SLCO3A1: variants seen among roughly 807,000 people sequenced by gnomAD.
SLCO3A1 encodes PGE1 transporter.
In SLCO3A1, 27 loss-of-function variants were observed where a neutral mutation model predicts 63.1. The observed-to-expected ratio is 0.43, with a 90% CI of 0.32 to 0.59. The LOEUF (loss-of-function observed/expected upper bound fraction) is 0.59, where lower values mean the gene tolerates loss of function less well. SLCO3A1 is among the 20% of genes least tolerant of loss of function. SLCO3A1 has a pLI of 0.09. For missense variants in SLCO3A1, 773 were observed against 945.8 expected, an observed-to-expected ratio of 0.82 and a Z score of 2.40; for synonymous variants, 473 against 409.9, an observed-to-expected ratio of 1.15 and a Z score of -1.86.
intron 2 of SLCO3A1, among the ~76,000 whole-genome samples, chr15:91,925,037 A>G (rs1898966261): frequency 1.3e-5 from 2 of 152,266 alleles, no homozygotes; most frequent in Non-Finnish European, 2.9e-5. Flanking sequence ...GAAGGATGTC[A>G]AAGAATACTG....
At chr15:92,074,907 C>T (rs2047259702) in intron 2 of SLCO3A1, among the ~76,000 whole-genome samples, 1 of 152,176 alleles carries the variant, frequency 6.6e-6, no homozygotes, top group Admixed American at 6.5e-5. Flanking sequence ...ATAGAGCCAA[C>T]AGTGAGGTGG....
At chr15:91,975,228 G>C (rs1850347458) in intron 2 of SLCO3A1, among the ~76,000 whole-genome samples, 1 of 152,096 alleles carries the variant, frequency 6.6e-6, no homozygotes, top group Non-Finnish European at 1.5e-5. Context: ...TGGTACCTAG[G>C]TGTGCTGCAA....
rs1900693368 is a variant in SLCO3A1, at chr15:91,967,256, A to G, written c.646+50798A>G. Among the ~76,000 whole-genome samples the G allele has an allele frequency of 6.6e-6, 1 of 152,256 alleles. No homozygotes were observed. The highest frequency in any genetic ancestry group is 2.1e-4 in the South Asian group (1 of 4,830). ...TTTATTCATTTAAAATATTAAAATGACAATAAGAGAGGTTTTTAGTTATCA... is the reference window on the plus strand; with the variant it reads ...TTTATTCATTTAAAATATTAAAATGGCAATAAGAGAGGTTTTTAGTTATCA... On this transcript the variant is annotated intron_variant, in intron 2 of 9. Coordinates refer to ENST00000318445, the MANE Select transcript of SLCO3A1 (RefSeq NM_013272.4). This position sits in a 1 kb window ranked among gnomAD's most constrained non-coding sequence, Gnocchi z 4.4.
intron 2 of SLCO3A1, among the ~76,000 whole-genome samples, chr15:91,937,296 C>T (rs1899447862): frequency 6.6e-6 from 1 of 152,222 alleles, no homozygotes; most frequent in African/African-American, 2.4e-5. Context: ...ACGGGCAAAG[C>T]ACTCTCTAGG....
At chr15:92,075,182 C>T (rs1418006984) in intron 2 of SLCO3A1, among the ~76,000 whole-genome samples, 1 of 152,184 alleles carries the variant, frequency 6.6e-6, no homozygotes, top group Admixed American at 6.5e-5. Context: ...CCGACTCTGG[C>T]TTCTGGAGGG....
intron 2 of SLCO3A1, among the ~76,000 whole-genome samples, chr15:92,082,805 G>A (rs974385285): frequency 6.6e-6 from 1 of 152,162 alleles, no homozygotes; most frequent in Non-Finnish European, 1.5e-5. Context: ...TGATTCTCAC[G>A]CCTTCACCAC....
Position 91,954,120 on chromosome 15 carries a change from G to C in SLCO3A1, c.646+37662G>C, listed in dbSNP as rs967507007. ...TAGAAACCCCCACTCATGAGGGAAA[G>C]ATTGAGAAAGGCACATACAGTCTGT... On this transcript the variant is annotated intron_variant, in intron 2 of 9. Transcript: ENST00000318445. This position sits in a 1 kb window ranked among gnomAD's most constrained non-coding sequence, Gnocchi z 4.7. Among the ~76,000 whole-genome samples, 3 of 152,222 alleles carry C rather than the reference G, an allele frequency of 2.0e-5. No individual in the cohort carries two copies. Among genetic ancestry groups the C allele is most frequent in the African/African-American group, 7.2e-5 (3 of 41,456 alleles).
rs1024926784 is a variant in SLCO3A1 at position 91,954,908 on chromosome 15, G to A, written c.646+38450G>A. On this transcript the variant is annotated intron_variant, in intron 2 of 9. Transcript: ENST00000318445. The surrounding 1 kb of genome is among the most constrained non-coding windows in gnomAD (Gnocchi z 4.7). Reference sequence around the variant, plus strand: ...CAGCACCACCCCTCCTAATTCCTAGGAATTAGGCCCTTCTTGGCTCTGTGC... The same window carrying A: ...CAGCACCACCCCTCCTAATTCCTAGAAATTAGGCCCTTCTTGGCTCTGTGC... Among the ~76,000 whole-genome samples the A allele has an allele frequency of 6.6e-6, 1 of 152,072 alleles. No individual in the cohort carries two copies. Among genetic ancestry groups the A allele is most frequent in the Non-Finnish European group, 1.5e-5 (1 of 68,010 alleles).
chr15:92,049,726 T>A (rs1462137749), intron 2 of SLCO3A1, among the ~76,000 whole-genome samples: 1 of 152,232 alleles, frequency 6.6e-6, no homozygotes, highest in Non-Finnish European at 1.5e-5. Context: ...ACAACCTAGA[T>A]ATTAACAGCA....
At position 92,053,699 on chromosome 15, in the gene SLCO3A1, T is replaced by TG. The variant is rs60246177; in HGVS notation, c.647-41182_647-41181insG. 3.1e-3 allele frequency among the ~76,000 whole-genome samples: 465 copies of TG among 150,262 alleles called. 8 individuals are homozygous for TG. Among genetic ancestry groups the TG allele is most frequent in the African/African-American group, 0.011 (444 of 40,270 alleles). ...TTGTTTTTTTGTTTGTTTGTTTGTT[T>TG]TTTTTTTTTTTACTTCTCATGGTTA... is the stretch of plus-strand genomic sequence containing the variant. On this transcript the variant is annotated intron_variant, in intron 2 of 9. Coordinates refer to ENST00000318445, the MANE Select transcript of SLCO3A1 (RefSeq NM_013272.4).
intron 1 of SLCO3A1, among the ~76,000 whole-genome samples, chr15:91,905,838 T>G (rs1898288189): frequency 8.7e-6 from 1 of 114,610 alleles, no homozygotes; most frequent in Non-Finnish European, 1.7e-5. Context: ...CTTTTAACAA[T>G]AAGTAAACTT....
At chr15:92,143,831 C>T (rs2048183196) in intron 7 of SLCO3A1, among the ~76,000 whole-genome samples, 1 of 152,076 alleles carries the variant, frequency 6.6e-6, no homozygotes, top group Non-Finnish European at 1.5e-5. Context: ...AGCATTTCCT[C>T]ACTAGACGCC....
At chr15:92,149,624 C>G (rs1312215741) in intron 8 of SLCO3A1, 3 of 152,226 alleles carry the variant, frequency 2.0e-5, no homozygotes, top group Admixed American at 6.5e-5. Flanking sequence ...TCCCTCCCAG[C>G]GTTGTCCAGA....
chr15:92,019,002 T>A (rs1359896640), intron 2 of SLCO3A1, among the ~76,000 whole-genome samples: 1 of 152,190 alleles, frequency 6.6e-6, no homozygotes, highest in African/African-American at 2.4e-5. Flanking sequence ...AGCTGAACTG[T>A]TGCTGTGAAC....
chr15:92,019,178 G>A (rs1251101700), intron 2 of SLCO3A1, among the ~76,000 whole-genome samples: 2 of 152,138 alleles, frequency 1.3e-5, no homozygotes, highest in Admixed American at 1.3e-4. Context: ...GCAGGCAGAG[G>A]TTGTGTGTGA....
At chr15:92,149,427 C>G (rs2048274823) in intron 8 of SLCO3A1, 1 of 152,310 alleles carries the variant, frequency 6.6e-6, no homozygotes, top group Admixed American at 6.5e-5. Flanking sequence ...GTGCACCAGC[C>G]CTTGCCCCTC....
chr15:91,924,096 T>C (rs1275467143), intron 2 of SLCO3A1, among the ~76,000 whole-genome samples: 1 of 152,216 alleles, frequency 6.6e-6, no homozygotes, highest in East Asian at 1.9e-4. Flanking sequence ...GCAGACGGGC[T>C]TTGGGCCGGC....
downstream of SLCO3A1, among the ~76,000 whole-genome samples, chr15:92,169,949 G>T (rs548781712): frequency 1.3e-5 from 2 of 152,278 alleles, no homozygotes; most frequent in East Asian, 3.9e-4. Flanking sequence ...AGTGACTCAG[G>T]TCAACAATCA....
chr15:91,982,014 T>C (rs978672155), intron 2 of SLCO3A1, among the ~76,000 whole-genome samples: 1 of 152,258 alleles, frequency 6.6e-6, no homozygotes, highest in Non-Finnish European at 1.5e-5. Flanking sequence ...ATGCACATCA[T>C]TGCAGGAGAG....
Sources: gnomAD v4.1 joint callset for allele counts (sites outside exome capture counted in the v4.1 genomes callset) on GRCh38, gnomAD v4.1.1 for gene constraint, Gnocchi (gnomAD v3.1) non-coding constraint, MANE v1.5 for transcripts, NCBI Gene and HGNC (gene_info 2026-07-23, HGNC 2026-07-21) for gene names.